Variants in EIPR1 observed in about 807,000 individuals in gnomAD.
EIPR1 encodes the protein EARP and GARP complex-interacting protein 1.
A neutral mutation model predicts 48.1 loss-of-function variants in EIPR1; 25 were observed. The observed-to-expected ratio is 0.52, with a 90% CI of 0.38 to 0.73. EIPR1 has a LOEUF of 0.73. Among genes scored for constraint, EIPR1 ranks in the 30% least tolerant of loss-of-function variants. The pLI is 0.00. For synonymous variants in EIPR1, 204 were observed against 201.9 expected (o/e 1.01, Z -0.09); for missense variants, 415 against 506.2 (o/e 0.82, Z 1.73).
intron 3 of EIPR1, among the ~76,000 whole-genome samples, chr2:3,333,136 G>A (rs1189631266): frequency 1.3e-5 from 2 of 152,184 alleles, no homozygotes; most frequent in African/African-American, 4.8e-5. Context: ...TAAGGGTACA[G>A]AGAAAGGGTT....
chr2:3,296,039 T>TA (rs1668573401), intron 3 of EIPR1, among the ~76,000 whole-genome samples: 1 of 51,756 alleles, frequency 1.9e-5, no homozygotes, highest in African/African-American at 8.0e-5. Flanking sequence ...TCCTCTCTAC[T>TA]CACACACACC....
chr2:3,348,926 G>A (rs1306490283), intron 2 of EIPR1, among the ~76,000 whole-genome samples: 1 of 152,198 alleles, frequency 6.6e-6, no homozygotes, highest in Non-Finnish European at 1.5e-5. Flanking sequence ...CCTTCCCGGC[G>A]TCTCTCCTGG....
chr2:3,213,315 C>A (rs1383617323), intron 5 of EIPR1, among the ~76,000 whole-genome samples: 1 of 152,068 alleles, frequency 6.6e-6, no homozygotes, highest in East Asian at 1.9e-4. Context: ...CATGTAAAAA[C>A]CACATTTTAA....
intron 3 of EIPR1, chr2:3,282,638 T>A (rs1456032505): frequency 2.6e-5 from 4 of 152,244 alleles, no homozygotes; most frequent in Non-Finnish European, 1.5e-5. Flanking sequence ...CAGAGCCAGC[T>A]GGCGGCGGCA....
intron 3 of EIPR1, among the ~76,000 whole-genome samples, chr2:3,278,677 T>A (rs1019850278): frequency 3.3e-5 from 5 of 152,040 alleles, no homozygotes; most frequent in African/African-American, 1.2e-4. Context: ...TCCAGCTGAG[T>A]CCGCTTCAGG....
chr2:3,346,701 G>A (rs181265036), intron 2 of EIPR1, among the ~76,000 whole-genome samples: 3 of 152,312 alleles, frequency 2.0e-5, no homozygotes, highest in East Asian at 1.9e-4. Flanking sequence ...GCATCAATTA[G>A]TTCCAGCTCA....
At chr2:3,234,966 G>A in intron 4 of EIPR1, among the ~76,000 whole-genome samples, 2 of 152,240 alleles carry the variant, frequency 1.3e-5, no homozygotes, top group East Asian at 3.9e-4. Context: ...GCTGGGATAG[G>A]AACTTGACTC....
intron 3 of EIPR1, among the ~76,000 whole-genome samples, chr2:3,299,221 G>A (rs536418121): frequency 1.3e-5 from 2 of 152,286 alleles, no homozygotes; most frequent in Admixed American, 6.5e-5. Context: ...GGCCTCCCGC[G>A]TGAGCCTCCA....
chr2:3,212,121 C>A (rs142527696), intron 5 of EIPR1, among the ~76,000 whole-genome samples: 39 of 152,274 alleles, frequency 2.6e-4, no homozygotes, highest in African/African-American at 9.1e-4. Flanking sequence ...GTATTAAATA[C>A]CACAGTGGAG....
intron 3 of EIPR1, among the ~76,000 whole-genome samples, chr2:3,311,781 TG>T (rs1406132014): frequency 1.1e-4 from 5 of 45,714 alleles, no homozygotes; most frequent in Admixed American, 8.0e-4. Context: ...GATGCTGTGG[TG>T]GGGGGCTCCA....
At chr2:3,361,811 C>T (rs926810630) in intron 1 of EIPR1, among the ~76,000 whole-genome samples, 11 of 151,714 alleles carry the variant, frequency 7.3e-5, no homozygotes, top group African/African-American at 1.9e-4. Flanking sequence ...CTTGGACTCC[C>T]TCACACGGGC....
intron 5 of EIPR1, among the ~76,000 whole-genome samples, chr2:3,200,419 G>A (rs752584248): frequency 1.6e-4 from 25 of 152,180 alleles, no homozygotes; most frequent in African/African-American, 5.1e-4. Context: ...CTCTACTGTC[G>A]TATGTGCCAA....
intron 4 of EIPR1, among the ~76,000 whole-genome samples, chr2:3,227,107 G>A (rs1666088888): frequency 6.6e-6 from 1 of 152,184 alleles, no homozygotes. Context: ...AAATGTGGAA[G>A]TGACATTAGA....
In EIPR1 at chr2:3,192,497, C is replaced by A. The variant is rs1572271886; in HGVS notation, c.906G>T (p.Met302Ile). 1 of 1,612,996 alleles carries A rather than the reference C, an allele frequency of 6.2e-7. No individual in the cohort carries two copies. Among genetic ancestry groups the A allele is most frequent in the Non-Finnish European group, 8.5e-7 (1 of 1,179,788 alleles). Residue 302 changes from methionine to isoleucine, a missense_variant, in exon 8 of 9, where the codon ATG (methionine) becomes ATT (isoleucine). Met to Ile is a conservative substitution (Grantham distance 10, BLOSUM62 1). Transcript: ENST00000382125. ...CGAAGGGCTCCGACGAGATGGACAC[C>A]ATGTTGGAAAGGATGACTCTGCTGT... ...SSDSRVILSNMVSISSEPFGH... is the reference protein window; with the variant it reads ...SSDSRVILSNIVSISSEPFGH...
At chr2:3,289,642 T>G (rs572717705) in intron 3 of EIPR1, among the ~76,000 whole-genome samples, 2 of 152,260 alleles carry the variant, frequency 1.3e-5, no homozygotes, top group Admixed American at 1.3e-4. Flanking sequence ...GGGCTTTGAA[T>G]CCCGTAGGGT....
At chr2:3,249,231 A>C in intron 4 of EIPR1, among the ~76,000 whole-genome samples, 1 of 152,234 alleles carries the variant, frequency 6.6e-6, no homozygotes, top group Admixed American at 6.5e-5. Context: ...TGGACAGTGA[A>C]GGCCTGATGA....
chr2:3,350,746 AC>A (rs1220057958), intron 2 of EIPR1, among the ~76,000 whole-genome samples: 2 of 152,162 alleles, frequency 1.3e-5, no homozygotes, highest in Admixed American at 1.3e-4. Context: ...CTTCATACCT[AC>A]CATACGGATT....
intron 3 of EIPR1, among the ~76,000 whole-genome samples, chr2:3,263,722 C>T (rs769202108): frequency 9.9e-5 from 15 of 152,092 alleles, no homozygotes; most frequent in Non-Finnish European, 1.3e-4. Flanking sequence ...CCCCAGGACG[C>T]GGCACGGTGC....
At chr2:3,369,787 A>G (rs1671066606) in intron 1 of EIPR1, among the ~76,000 whole-genome samples, 1 of 152,212 alleles carries the variant, frequency 6.6e-6, no homozygotes, top group Non-Finnish European at 1.5e-5. Context: ...CTGCCTCTGT[A>G]GGCTCCACCT....
Sources: allele counts gnomAD v4.1 joint callset (sites outside exome capture counted in the v4.1 genomes callset), GRCh38; gene constraint gnomAD v4.1.1; transcripts MANE v1.5; gene names NCBI Gene and HGNC (gene_info 2026-07-23, HGNC 2026-07-21).